The following SLC30A4 variants were observed in gnomAD, a reference collection of about 807,000 sequenced individuals.
SLC30A4 encodes the protein probable proton-coupled zinc antiporter SLC30A4.
A neutral mutation model predicts 41.7 loss-of-function variants in SLC30A4; 20 were observed. That is an observed-to-expected ratio of 0.48 (90% CI 0.34 to 0.70). The LOEUF (loss-of-function observed/expected upper bound fraction) is 0.70, where lower values mean the gene tolerates loss of function less well. Among genes scored for constraint, SLC30A4 ranks in the 30% least tolerant of loss-of-function variants. The pLI is 0.01. For missense variants in SLC30A4, 441 were observed against 529.3 expected (o/e 0.83, Z 1.64); for synonymous variants, 181 against 195.9 (o/e 0.92, Z 0.64).
intron 3 of SLC30A4, among the ~76,000 whole-genome samples, chr15:45,504,117 G>A (rs1019658235): frequency 1.3e-5 from 2 of 152,176 alleles, no homozygotes; most frequent in African/African-American, 4.8e-5. Flanking sequence ...ACTTGATCAT[G>A]TAAAGCTAAT....
rs115646284 is a variant in SLC30A4, at chr15:45,489,122, T to G, written c.693-80A>C. On this transcript the variant is annotated intron_variant, in intron 4 of 7. Coordinates refer to ENST00000261867, the MANE Select transcript of SLC30A4 (RefSeq NM_013309.6). ...TGTCACTAGTCAGACACTAATGAGG[T>G]AACATGGAACTCATTTATTTAATAA... The G allele has an allele frequency of 4.1e-3, 3,927 of 951,016 alleles. 109 individuals are homozygous for G. In the African/African-American group the frequency reaches 0.057, roughly 14 times the overall value. 58.9% of individuals were successfully genotyped at this position (951,016 alleles called of 1,614,324 possible). A position where few individuals can be genotyped will look rare whatever the true frequency, so the allele number is the denominator to read the frequency against.
At chr15:45,491,054 T>C (rs1253014900) in intron 3 of SLC30A4, among the ~76,000 whole-genome samples, 173 bp from the exon 4 acceptor site, 1 of 152,188 alleles carries the variant, frequency 6.6e-6, no homozygotes, top group Non-Finnish European at 1.5e-5. Flanking sequence ...GGTCTCACTC[T>C]GTCACCCAGG....
chr15:45,513,771 CA>C (rs1566881933), intron 2 of SLC30A4: 1 of 152,188 alleles, frequency 6.6e-6, no homozygotes, highest in Admixed American at 6.6e-5. Context: ...CTGGAGGATA[CA>C]AAATGAGTTT....
At chr15:45,505,238 T>TAAAAAA (rs1209222695) in intron 3 of SLC30A4, among the ~76,000 whole-genome samples, 1 of 53,274 alleles carries the variant, frequency 1.9e-5, no homozygotes, top group African/African-American at 7.1e-5. Flanking sequence ...TCTCAAAAAT[T>TAAAAAA]AAAAAAAAAA....
chr15:45,484,807 C>T lies in SLC30A4; in HGVS notation c.*356G>A, dbSNP rs2140808068. On this transcript the variant is annotated 3_prime_UTR_variant, in exon 8 of 8. Transcript: ENST00000261867. ...CCAGCACTGGCTTAATATAAAATGGCCTTAAAAAGTATTTTTAAATGCAAA... is the reference window on the plus strand; with the variant it reads ...CCAGCACTGGCTTAATATAAAATGGTCTTAAAAAGTATTTTTAAATGCAAA... The T allele has an allele frequency of 5.8e-6, 1 of 172,348 alleles. No homozygotes were observed. Among genetic ancestry groups the T allele is most frequent in the East Asian group, 1.6e-4 (1 of 6,254 alleles). The allele number at this position is 172,348 out of a possible 1,614,324, so 10.7% of individuals were successfully genotyped here. A position where few individuals can be genotyped will look rare whatever the true frequency, so the allele number is the denominator to read the frequency against.
chr15:45,496,427 T>G (rs988553441), intron 3 of SLC30A4, among the ~76,000 whole-genome samples: 6 of 152,148 alleles, frequency 3.9e-5, no homozygotes, highest in African/African-American at 1.2e-4. Context: ...TAACTTACAA[T>G]AAAGTTTTCC....
At chr15:45,514,954 A>G (rs998827229) in intron 2 of SLC30A4, among the ~76,000 whole-genome samples, 2 of 151,778 alleles carry the variant, frequency 1.3e-5, no homozygotes, top group Non-Finnish European at 2.9e-5. Flanking sequence ...ACTGTGGCTC[A>G]CTGTGGCCTG....
At chr15:45,501,379 TC>T (rs1484955912) in intron 3 of SLC30A4, among the ~76,000 whole-genome samples, 1 of 152,172 alleles carries the variant, frequency 6.6e-6, no homozygotes, top group African/African-American at 2.4e-5. Context: ...ACACCACTAC[TC>T]TGAGTTTGGT....
chr15:45,490,976 C>G (rs2140816748), intron 3 of SLC30A4, 95 bp from the exon 4 acceptor site: 1 of 821,220 alleles, frequency 1.2e-6, no homozygotes, highest in East Asian at 2.8e-5. Context: ...ATATTCTTTC[C>G]TCTAAGGAGA....
chr15:45,481,987 G>A lies in SLC30A4; in HGVS notation c.*3176C>T, dbSNP rs1237957933. ...TGTAATCTCAGCACTTTGGGAGCCCGAGGTGGAAGGATTTCTTGAGCCCAG... is the reference window on the plus strand; with the variant it reads ...TGTAATCTCAGCACTTTGGGAGCCCAAGGTGGAAGGATTTCTTGAGCCCAG... On this transcript the variant is annotated 3_prime_UTR_variant, in exon 8 of 8. Coordinates refer to ENST00000261867, the MANE Select transcript of SLC30A4 (RefSeq NM_013309.6). 2.0e-5 allele frequency: 3 copies of A among 146,552 alleles called. No homozygotes were observed. The highest frequency in any genetic ancestry group is 7.1e-5 in the Admixed American group (1 of 14,184). The allele number at this position is 146,552 out of a possible 1,614,324, so 9.1% of individuals were successfully genotyped here.
At chr15:45,515,119 T>A (rs1213927446) in intron 2 of SLC30A4, among the ~76,000 whole-genome samples, 1 of 152,026 alleles carries the variant, frequency 6.6e-6, no homozygotes, top group African/African-American at 2.4e-5. Context: ...ATTCTTGGAC[T>A]CAGGCAATCC....
intron 2 of SLC30A4, among the ~76,000 whole-genome samples, chr15:45,514,997 A>T (rs1345253564): frequency 6.7e-6 from 1 of 150,252 alleles, no homozygotes; most frequent in East Asian, 2.0e-4. Context: ...CTTCCACCTC[A>T]GCCTCCTTTG....
At chr15:45,489,358 G>A (rs1209117339) in intron 4 of SLC30A4, among the ~76,000 whole-genome samples, 1 of 152,064 alleles carries the variant, frequency 6.6e-6, no homozygotes, top group Non-Finnish European at 1.5e-5. Flanking sequence ...TGGGCAGAGT[G>A]GTAAGGGAAG....
Position 45,522,280 on chromosome 15 carries a change from G to A in SLC30A4, c.75C>T (p.Asp25=), listed in dbSNP as rs768890618. Reference sequence around the variant, plus strand: ...CATCCGAGAAGTCAAAGGCGCTGGTGTCATTTAAAAACAGCGGCGCATCAT... The same window carrying A: ...CATCCGAGAAGTCAAAGGCGCTGGTATCATTTAAAAACAGCGGCGCATCAT... ...RKDDAPLFLN[D]TSAFDFSDEA... The change falls in exon 2 of 8, where the codon GAC becomes GAT. Residue 25 remains aspartate (D), a synonymous_variant. Transcript: ENST00000261867. The A allele has an allele frequency of 1.2e-6, 2 of 1,614,140 alleles. No homozygotes were observed. Among genetic ancestry groups the A allele is most frequent in the Admixed American group, 1.7e-5 (1 of 60,032 alleles).
chr15:45,507,981 A>G (rs979520563), intron 3 of SLC30A4, among the ~76,000 whole-genome samples: 52 of 151,984 alleles, frequency 3.4e-4, no homozygotes, highest in African/African-American at 1.2e-3. Flanking sequence ...TAAGCCAGAA[A>G]TGAATTGAAA....
In SLC30A4 at chr15:45,480,950, G is replaced by A. The variant is rs993535840; in HGVS notation, c.*4213C>T. 6.6e-6 allele frequency: 1 copy of A among 152,150 alleles called. No homozygotes were observed. Among genetic ancestry groups the A allele is most frequent in the African/African-American group, 2.4e-5 (1 of 41,440 alleles). 9.4% of individuals were successfully genotyped at this position (152,150 alleles called of 1,614,324 possible). A position where few individuals can be genotyped will look rare whatever the true frequency, so the allele number is the denominator to read the frequency against. Reference sequence around the variant, plus strand: ...CTGGAACAACCAGCCATTTTAAAAAGGTTCTTTCATACCTGGACATACATT... The same window carrying A: ...CTGGAACAACCAGCCATTTTAAAAAAGTTCTTTCATACCTGGACATACATT... On this transcript the variant is annotated 3_prime_UTR_variant, in exon 8 of 8. Transcript: ENST00000261867.
At chr15:45,512,557 A>C (rs1036483658) in intron 2 of SLC30A4, 4 of 152,196 alleles carry the variant, frequency 2.6e-5, no homozygotes, top group Non-Finnish European at 4.4e-5. Flanking sequence ...TTTACCCCAG[A>C]GTGCTCTATA....
chr15:45,504,215 A>C, intron 3 of SLC30A4, among the ~76,000 whole-genome samples: 1 of 152,360 alleles, frequency 6.6e-6, no homozygotes, highest in East Asian at 1.9e-4. Context: ...ATAGCATATA[A>C]CAACATCACT....
chr15:45,485,397 A>G, intron 7 of SLC30A4, 80 bp from the exon 8 acceptor site: 1 of 892,820 alleles, frequency 1.1e-6, no homozygotes, highest in Non-Finnish European at 1.7e-6. Flanking sequence ...AACAACTGAA[A>G]TATACTGGGA....
Sources: gnomAD v4.1 joint callset for allele counts (sites outside exome capture counted in the v4.1 genomes callset) on GRCh38, gnomAD v4.1.1 for gene constraint, MANE v1.5 for transcripts, NCBI Gene and HGNC (gene_info 2026-07-23, HGNC 2026-07-21) for gene names.